MTSS2: variants seen among roughly 807,000 people sequenced by gnomAD.
MTSS2 encodes the protein protein MTSS 2.
A neutral mutation model predicts 67.1 loss-of-function variants in MTSS2; 27 were observed. The ratio of observed to expected loss-of-function variants is 0.40; its 90% CI spans 0.30 to 0.55. The LOEUF is 0.55. Among genes scored for constraint, MTSS2 ranks in the 20% least tolerant of loss-of-function variants. MTSS2 has a pLI of 0.43. For synonymous variants in MTSS2, 624 were observed against 468.6 expected, an observed-to-expected ratio of 1.33 and a Z score of -4.28; for missense variants, 1,171 against 1,067.8, an observed-to-expected ratio of 1.10 and a Z score of -1.35.
At chr16:70,683,092 G>T (rs2053349261) in intron 1 of MTSS2, among the ~76,000 whole-genome samples, 1 of 152,200 alleles carries the variant, frequency 6.6e-6, no homozygotes, top group African/African-American at 2.4e-5. Context: ...GGGGAGGTGA[G>T]GGGCTTCTCA....
chr16:70,667,278 C>CAAAAAAAA (rs34779308), intron 11 of MTSS2, among the ~76,000 whole-genome samples: 3 of 69,778 alleles, frequency 4.3e-5, no homozygotes, highest in African/African-American at 1.2e-4. Flanking sequence ...GACTCTGTCT[C>CAAAAAAAA]AAAAAAAAAA....
At chr16:70,676,450 G>T (rs1203437610) in intron 10 of MTSS2, among the ~76,000 whole-genome samples, 1 of 152,224 alleles carries the variant, frequency 6.6e-6, no homozygotes, top group African/African-American at 2.4e-5. Context: ...ATCTCTCCCT[G>T]ATCTTTGACT....
intron 9 of MTSS2, among the ~76,000 whole-genome samples, chr16:70,677,581 G>T (rs1382715940): frequency 6.6e-6 from 1 of 152,192 alleles, no homozygotes; most frequent in Non-Finnish European, 1.5e-5. Context: ...TCTACTCTGA[G>T]TCTGAGAACG....
chr16:70,665,307 T>C (rs2052670185), intron 12 of MTSS2, 159 bp downstream of exon 12: 1 of 937,058 alleles, frequency 1.1e-6, no homozygotes, highest in African/African-American at 1.7e-5. Context: ...GCAGTGACTG[T>C]AGGAAATGGC....
chr16:70,665,464 A>G lies in MTSS2; in HGVS notation c.1128+2T>C. 6.4e-7 allele frequency: 1 copy of G among 1,553,774 alleles called. No homozygotes were observed. The highest frequency in any genetic ancestry group is 8.7e-7 in the Non-Finnish European group (1 of 1,149,992). On this transcript the variant is annotated splice_donor_variant, in intron 12 of 14. Coordinates refer to ENST00000338779, the MANE Select transcript of MTSS2 (RefSeq NM_138383.3). LOFTEE classifies it high-confidence loss of function. Reference sequence around the variant, plus strand: ...TCCTGGGGCCGGGCTGGGAGCACTGACCGAGGTGGGGGAGCTGCACTCGCT... The same window carrying G: ...TCCTGGGGCCGGGCTGGGAGCACTGGCCGAGGTGGGGGAGCTGCACTCGCT...
chr16:70,666,086 G>A (rs1411649232), intron 11 of MTSS2, among the ~76,000 whole-genome samples: 1 of 152,184 alleles, frequency 6.6e-6, no homozygotes, highest in South Asian at 2.1e-4. Context: ...AGGCCACCAG[G>A]CAGCGAGTGC....
chr16:70,680,918 G>GGGGGCCCCCCCC, intron 2 of MTSS2, 46 bp downstream of exon 2: 3 of 1,097,860 alleles, frequency 2.7e-6, no homozygotes, highest in Non-Finnish European at 4.0e-6. Context: ...CGGGGGGGGG[G>GGGGGCCCCCCCC]CCTCTGCCTG....
chr16:70,677,943 T>C, intron 8 of MTSS2, 44 bp from the exon 9 acceptor site: 1 of 1,420,930 alleles, frequency 7.0e-7, no homozygotes, highest in Non-Finnish European at 9.5e-7. Context: ...ATCGCCCACC[T>C]GCCCGCCTGC....
intron 1 of MTSS2, among the ~76,000 whole-genome samples, chr16:70,683,884 C>T (rs527807259): frequency 6.6e-6 from 1 of 152,362 alleles, no homozygotes; most frequent in Admixed American, 6.5e-5. Flanking sequence ...CTTCTCTGCC[C>T]CTGGTCATGG....
chr16:70,670,183 A>G (rs1198708664), intron 11 of MTSS2, among the ~76,000 whole-genome samples: 1 of 152,188 alleles, frequency 6.6e-6, no homozygotes, highest in Non-Finnish European at 1.5e-5. Context: ...AGGCAGGACA[A>G]TCACTCGAAT....
Position 70,664,582 on chromosome 16 carries a change from AG to A in MTSS2, c.1471+15del. The A allele has an allele frequency of 1.2e-6, 2 of 1,609,642 alleles. No individual in the cohort carries two copies. Among genetic ancestry groups the A allele is most frequent in the Non-Finnish European group, 1.7e-6 (2 of 1,177,862 alleles). ...TCCCAGCTGTCCCTGGTCCCACCCC[AG>A]CCCCGCGGGCCTGCCTTGGGAGGGG... On this transcript the variant is annotated intron_variant, in intron 14 of 14. Transcript: ENST00000338779.
Position 70,680,066 on chromosome 16 carries a change from A to C in MTSS2, c.206-11T>G. On this transcript the variant is annotated splice_polypyrimidine_tract_variant and intron_variant, in intron 3 of 14. Transcript: ENST00000338779. ...TGTCCCTCGTGGCCCCTGGCGAGGC[A>C]AGCGCGGGGTGGGAAGGGGCCCGCT... The C allele has an allele frequency of 6.7e-7, 1 of 1,502,750 alleles. No homozygotes were observed. The highest frequency in any genetic ancestry group is 8.8e-7 in the Non-Finnish European group (1 of 1,133,046). 93.1% of individuals were successfully genotyped at this position (1,502,750 alleles called of 1,614,324 possible). A position where few individuals can be genotyped will look rare whatever the true frequency, so the allele number is the denominator to read the frequency against.
At chr16:70,679,467 G>T in intron 6 of MTSS2, 144 bp from the exon 7 acceptor site, 2 of 1,259,974 alleles carry the variant, frequency 1.6e-6, no homozygotes, top group Non-Finnish European at 2.2e-6. Context: ...ACCAGGTTTG[G>T]GGGGAAGGGC....
intron 11 of MTSS2, among the ~76,000 whole-genome samples, chr16:70,669,684 G>A (rs1272660272): frequency 2.0e-5 from 3 of 152,042 alleles, no homozygotes; most frequent in Admixed American, 6.5e-5. Context: ...AGGTGTGGTG[G>A]CACACGCCTG....
At chr16:70,676,384 C>A (rs1314788698) in intron 10 of MTSS2, among the ~76,000 whole-genome samples, 1 of 152,244 alleles carries the variant, frequency 6.6e-6, no homozygotes, top group Non-Finnish European at 1.5e-5. Context: ...AGGAGCCAGC[C>A]AGGCTGGAGT....
chr16:70,685,610 A>T, intron 1 of MTSS2, 113 bp downstream of exon 1: 1 of 548,364 alleles, frequency 1.8e-6, no homozygotes. Flanking sequence ...TCAGACAAGG[A>T]CACACAGACA....
At position 70,665,099 on chromosome 16, in the gene MTSS2, G is replaced by T; in HGVS notation, c.1129-3C>A. ...TGGGAGCCGACCTTGGACCAGTCCT[G>T]CAGGGAGGGTGTGGCAGGTCAGGGG... On this transcript the variant is annotated splice_polypyrimidine_tract_variant and splice_region_variant and intron_variant, in intron 12 of 14. Coordinates refer to ENST00000338779, the MANE Select transcript of MTSS2 (RefSeq NM_138383.3). 1 of 1,591,114 alleles carries T rather than the reference G, an allele frequency of 6.3e-7. No individual in the cohort carries two copies.
chr16:70,668,936 T>C (rs537014155), intron 11 of MTSS2, among the ~76,000 whole-genome samples: 1 of 150,402 alleles, frequency 6.6e-6, no homozygotes, highest in South Asian at 2.1e-4. Context: ...CTAAGACAGA[T>C]TTTTTTTTTC....
At chr16:70,685,702 G>A in intron 1 of MTSS2, 21 bp downstream of exon 1, 1 of 1,295,174 alleles carries the variant, frequency 7.7e-7, no homozygotes, top group Non-Finnish European at 1.0e-6. Flanking sequence ...CGCGCGCCCG[G>A]CCCCGCCGCG....
Sources: gnomAD v4.1 joint callset for allele counts (sites outside exome capture counted in the v4.1 genomes callset) on GRCh38, gnomAD v4.1.1 for gene constraint, MANE v1.5 for transcripts, NCBI Gene and HGNC (gene_info 2026-07-23, HGNC 2026-07-21) for gene names.